SH3GLB2: variants seen among roughly 807,000 people sequenced by gnomAD.
The protein encoded by SH3GLB2 is SH3 domain containing GRB2 like, endophilin B2, also known as endophilin-B2.
A neutral mutation model predicts 48.0 loss-of-function variants in SH3GLB2; 24 were observed. The observed-to-expected ratio is 0.50, with a 90% CI of 0.36 to 0.70. The LOEUF is 0.70. SH3GLB2 is among the 30% of genes least tolerant of loss of function. The probability of loss-of-function intolerance (pLI) is 0.00; values close to 1 mark genes in which losing one functional copy is unlikely to be tolerated. For missense variants in SH3GLB2, 425 were observed against 516.0 expected (o/e 0.82, Z 1.71); for synonymous variants, 227 against 207.6 (o/e 1.09, Z -0.80).
chr9:129,020,473 G>A (rs1334648683), intron 3 of SH3GLB2, among the ~76,000 whole-genome samples: 3 of 151,452 alleles, frequency 2.0e-5, no homozygotes, highest in Non-Finnish European at 4.4e-5. Flanking sequence ...GGAGGCTGAG[G>A]CAGGAGAATC....
chr9:129,023,537 C>T (rs1188733809), intron 1 of SH3GLB2, among the ~76,000 whole-genome samples: 2 of 152,190 alleles, frequency 1.3e-5, no homozygotes. Flanking sequence ...TAAGGGTTTC[C>T]TCATGACCTC....
At position 129,009,580 on chromosome 9, in the gene SH3GLB2, G is replaced by A. The variant is rs962695861; in HGVS notation, c.839+191C>T. 3.9e-6 allele frequency: 6 copies of A among 1,531,238 alleles called. No homozygotes were observed. In the African/African-American group the frequency reaches 5.5e-5, roughly 14 times the overall value. 94.9% of individuals were successfully genotyped at this position (1,531,238 alleles called of 1,614,324 possible). On this transcript the variant is annotated intron_variant, in intron 9 of 10. Coordinates refer to ENST00000372564, the MANE Select transcript of SH3GLB2 (RefSeq NM_020145.4). ...CCTAGAAACCCTCAGGGGCTCCAGG[G>A]GACTTGGCCGTCAGTAAGGCCAGCC...
At chr9:129,027,996 G>T in intron 1 of SH3GLB2, 96 bp downstream of exon 1, 3 of 1,196,764 alleles carry the variant, frequency 2.5e-6, no homozygotes, top group Non-Finnish European at 3.3e-6. Context: ...CAGCAGCCCG[G>T]GAGGGCTTTC....
At chr9:129,016,030 T>C (rs1843398059) in intron 3 of SH3GLB2, among the ~76,000 whole-genome samples, 1 of 151,968 alleles carries the variant, frequency 6.6e-6, no homozygotes, top group Admixed American at 6.6e-5. Context: ...ATTCTATATA[T>C]AGCAAAACAA....
rs370877080 is a variant in SH3GLB2, at chr9:129,025,948, AT to A, written c.63+2143del. Among the ~76,000 whole-genome samples, 356 of 152,242 alleles carry A rather than the reference AT, an allele frequency of 2.3e-3. 2 individuals carry two copies. Among genetic ancestry groups the A allele is most frequent in the African/African-American group, 8.0e-3 (334 of 41,530 alleles). ...TACCACTACTATTACTGTTACTGCA[AT>A]TACTACTAATAGTATTAGTACTATC... On this transcript the variant is annotated intron_variant, in intron 1 of 10. Transcript: ENST00000372564.
chr9:129,009,411 C>G, intron 9 of SH3GLB2, 65 bp from the exon 10 acceptor site: 2 of 1,550,476 alleles, frequency 1.3e-6, no homozygotes, highest in Non-Finnish European at 1.7e-6. Context: ...GCAAACTCCC[C>G]TCCCCAGCCC....
intron 2 of SH3GLB2, 51 bp from the exon 3 acceptor site, chr9:129,021,270 A>C: frequency 6.5e-7 from 1 of 1,540,974 alleles, no homozygotes; most frequent in Non-Finnish European, 8.7e-7. Context: ...TCAAGCCCAA[A>C]AATGAAACAG....
intron 3 of SH3GLB2, among the ~76,000 whole-genome samples, chr9:129,015,276 C>G (rs977704481): frequency 2.0e-5 from 3 of 152,140 alleles, no homozygotes; most frequent in African/African-American, 7.2e-5. Context: ...ACGGGAGGAT[C>G]ACTTGAGCTC....
rs751536551 is a variant in SH3GLB2 at position 129,010,714 on chromosome 9, G to A, written c.625-21C>T. 5.6e-6 allele frequency: 9 copies of A among 1,613,784 alleles called. No homozygotes were observed. In the South Asian group the frequency reaches 6.6e-5, roughly 12 times the overall value. On this transcript the variant is annotated intron_variant, in intron 6 of 10. Coordinates refer to ENST00000372564, the MANE Select transcript of SH3GLB2 (RefSeq NM_020145.4). ...CAGAGCTGTGGAGACGGCAGCAGGA[G>A]TGGCCAGCAGGGGAGGGGAGAGGAG...
Position 129,019,364 on chromosome 9 carries a change from G to A in SH3GLB2, c.334+1727C>T, listed in dbSNP as rs368480118. 2.6e-4 allele frequency among the ~76,000 whole-genome samples: 40 copies of A among 151,992 alleles called. 1 individual carries two copies. In the East Asian group the frequency reaches 7.5e-3, roughly 29 times the overall value. ...GATTGCACCACTGCAATCCAGCCTG[G>A]GGGACAGAGCCAGACCCTGTCTCAA... On this transcript the variant is annotated intron_variant, in intron 3 of 10. Coordinates refer to ENST00000372564, the MANE Select transcript of SH3GLB2 (RefSeq NM_020145.4).
At chr9:129,021,026 G>A (rs1843760119) in intron 3 of SH3GLB2, 65 bp downstream of exon 3, 12 of 1,373,362 alleles carry the variant, frequency 8.7e-6, no homozygotes, top group Middle Eastern at 2.4e-4. Flanking sequence ...AAAAAAGGAA[G>A]GGAGGGAGGG....
Position 129,009,865 on chromosome 9 carries a change from G to T in SH3GLB2, c.745C>A (p.His249Asn). ...LEGISSTHVN[H>N]LRCLHEFVKS... ...ACGAACTCGTGGAGGCAGCGCAGGT[G>T]GTTCACCTGCGGGGAAGAGGCCAGA... Residue 249 changes from histidine to asparagine, a missense_variant, in exon 9 of 11, where the codon CAC (histidine) becomes AAC (asparagine). Coordinates refer to ENST00000372564, the MANE Select transcript of SH3GLB2 (RefSeq NM_020145.4). 1 of 1,613,578 alleles carries T rather than the reference G, an allele frequency of 6.2e-7. No individual in the cohort carries two copies. Among genetic ancestry groups the T allele is most frequent in the South Asian group, 1.1e-5 (1 of 90,986 alleles).
intron 6 of SH3GLB2, 40 bp from the exon 7 acceptor site, chr9:129,010,733 A>C: frequency 1.9e-6 from 3 of 1,612,280 alleles, no homozygotes; most frequent in Non-Finnish European, 2.5e-6. Flanking sequence ...AGGGGAGGGG[A>C]GAGGAGGACA....
At chr9:129,009,922 A>G (rs773286355) in intron 8 of SH3GLB2, 51 bp from the exon 9 acceptor site, 9 of 1,554,616 alleles carry the variant, frequency 5.8e-6, no homozygotes, top group Non-Finnish European at 7.9e-6. Context: ...CCTCAGAACA[A>G]AAAATTCCGT....
chr9:129,012,477 G>A (rs377705830), intron 5 of SH3GLB2, 179 bp from the exon 6 acceptor site: 7 of 411,880 alleles, frequency 1.7e-5, no homozygotes, highest in South Asian at 1.1e-4. Flanking sequence ...GGAGATGAGG[G>A]GCCTAGGGAC....
At chr9:129,010,542 G>T (rs557600676) in intron 7 of SH3GLB2, 128 bp downstream of exon 7, 172 of 1,094,836 alleles carry the variant, frequency 1.6e-4, no homozygotes, top group Non-Finnish European at 2.2e-4. Context: ...CCCAGGGAGG[G>T]AAAGCAGTAA....
At chr9:129,016,882 A>C (rs1843459422) in intron 3 of SH3GLB2, among the ~76,000 whole-genome samples, 1 of 152,068 alleles carries the variant, frequency 6.6e-6, no homozygotes, top group Admixed American at 6.6e-5. Context: ...AAAATACATA[A>C]GGCAAACACT....
At chr9:129,021,289 C>T in intron 2 of SH3GLB2, 70 bp from the exon 3 acceptor site, 1 of 1,484,260 alleles carries the variant, frequency 6.7e-7, no homozygotes, top group Non-Finnish European at 8.9e-7. Context: ...AGAAACAGAC[C>T]CAGACCCGGC....
Position 129,009,805 on chromosome 9 carries a change from G to T in SH3GLB2, c.805C>A (p.Arg269Ser). 6.2e-7 allele frequency: 1 copy of T among 1,613,838 alleles called. No homozygotes were observed. The highest frequency in any genetic ancestry group is 8.5e-7 in the Non-Finnish European group (1 of 1,179,874). Residue 269 changes from arginine (R) to serine (S), a missense_variant, in exon 9 of 11, where the codon CGC becomes AGC. By Grantham distance (110) the Arg-to-Ser change is moderately radical (BLOSUM62 -1). Transcript: ENST00000372564. ...SQTTYYAQCY[R>S]HMLDLQKQLG... is the part of the protein sequence containing the mutation. ...TGCTTCTGCAAGTCCAGCATGTGGCGGTAGCACTGTGCGTAGTAGGTTGTC... is the reference window on the plus strand; with the variant it reads ...TGCTTCTGCAAGTCCAGCATGTGGCTGTAGCACTGTGCGTAGTAGGTTGTC...
Sources: allele counts gnomAD v4.1 joint callset (sites outside exome capture counted in the v4.1 genomes callset), GRCh38; gene constraint gnomAD v4.1.1; transcripts MANE v1.5; gene names NCBI Gene and HGNC (gene_info 2026-07-23, HGNC 2026-07-21).